Variants in ALS2 observed in about 807,000 individuals in gnomAD.
ALS2 encodes alsin.
ALS2 carries 117 observed loss-of-function variants against 203.4 expected under a neutral mutation model. That is an observed-to-expected ratio of 0.58 (90% CI 0.50 to 0.67). The LOEUF (loss-of-function observed/expected upper bound fraction) is 0.67. ALS2 is among the 30% of genes least tolerant of loss of function. The probability of loss-of-function intolerance (pLI) is 0.00; values close to 1 mark genes in which losing one functional copy is unlikely to be tolerated. For missense variants in ALS2, 1,715 were observed against 1,989.4 expected (o/e 0.86, Z 2.62); for synonymous variants, 718 against 725.9 (o/e 0.99, Z 0.17).
At chr2:201,760,012 A>C in intron 4 of ALS2, 1 of 983,078 alleles carries the variant, frequency 1.0e-6, no homozygotes, top group Non-Finnish European at 1.2e-6. Context: ...CTTCAAAATG[A>C]AAATAGTTTT....
chr2:201,745,288 T>A (rs1026727506), intron 9 of ALS2, among the ~76,000 whole-genome samples: 1 of 152,148 alleles, frequency 6.6e-6, no homozygotes, highest in African/African-American at 2.4e-5. Flanking sequence ...CCTCAAGTGA[T>A]CCTCCAGTCT....
At chr2:201,776,852 TAAA>T (rs1694682217) in intron 1 of ALS2, among the ~76,000 whole-genome samples, 1 of 152,166 alleles carries the variant, frequency 6.6e-6, no homozygotes, top group Non-Finnish European at 1.5e-5. Context: ...TTATTAGAAA[TAAA>T]AATATTGTTT....
At position 201,704,548 on chromosome 2, in the gene ALS2, T is replaced by C; in HGVS notation, c.4744A>G (p.Ile1582Val). The stretch of plus-strand genomic sequence containing the variant: ...AGTGACGCCAGGACACTCTGAGAGA[T>C]CTCCTCAAAAGTCTGCTGGATGACC... ...LKVIQQTFEE[I>V]SQSVLASLHE... Residue 1582 changes from isoleucine to valine, a missense_variant, in exon 32 of 34, where the codon ATC becomes GTC. By Grantham distance (29) the Ile-to-Val change is conservative. This residue lies in a region of ALS2 where 1,227 missense variants were observed against 1,413.5 expected (regional missense o/e 0.87). Transcript: ENST00000264276. 1 of 1,614,068 alleles carries C rather than the reference T, an allele frequency of 6.2e-7. No individual in the cohort carries two copies. The highest frequency in any genetic ancestry group is 8.5e-7 in the Non-Finnish European group (1 of 1,179,992).
chr2:201,718,558 G>A (rs1161389903), intron 23 of ALS2, among the ~76,000 whole-genome samples: 1 of 152,062 alleles, frequency 6.6e-6, no homozygotes, highest in Non-Finnish European at 1.5e-5. Flanking sequence ...ACCACGCCCA[G>A]CCCTCAATTT....
intron 21 of ALS2, 93 bp downstream of exon 21, chr2:201,724,201 AT>A: frequency 7.4e-7 from 1 of 1,358,652 alleles, no homozygotes; most frequent in Middle Eastern, 1.8e-4. Flanking sequence ...ACTAATCTCC[AT>A]GAAAAAGACA....
chr2:201,764,897 G>C (rs1685776055), intron 3 of ALS2, among the ~76,000 whole-genome samples: 1 of 152,080 alleles, frequency 6.6e-6, no homozygotes, highest in African/African-American at 2.4e-5. Context: ...GCTTAAACAT[G>C]AATAACGATA....
intron 27 of ALS2, among the ~76,000 whole-genome samples, chr2:201,708,774 C>T: frequency 6.6e-6 from 1 of 152,118 alleles, no homozygotes; most frequent in East Asian, 1.9e-4. Flanking sequence ...TTTATTTTCT[C>T]TTATTTTTAC....
chr2:201,716,178 C>T (rs1208572161), intron 24 of ALS2, among the ~76,000 whole-genome samples: 2 of 151,932 alleles, frequency 1.3e-5, no homozygotes, highest in African/African-American at 4.8e-5. Flanking sequence ...GAGGCCAAGG[C>T]AGGTGGAACA....
intron 1 of ALS2, among the ~76,000 whole-genome samples, chr2:201,778,034 A>G (rs1336749469): frequency 6.6e-6 from 1 of 152,068 alleles, no homozygotes; most frequent in African/African-American, 2.4e-5. Flanking sequence ...TGCTTAGCCA[A>G]TTGCCCCAAG....
At chr2:201,741,059 C>G (rs1692238025) in intron 11 of ALS2, 1 of 154,082 alleles carries the variant, frequency 6.5e-6, no homozygotes, top group South Asian at 2.0e-4. Context: ...ATTAAAATAA[C>G]ACTTAAATTA....
At chr2:201,745,219 T>C (rs1273767603) in intron 9 of ALS2, among the ~76,000 whole-genome samples, 4 of 152,222 alleles carry the variant, frequency 2.6e-5, no homozygotes, top group Admixed American at 2.6e-4. Context: ...ATCTTTAAAT[T>C]TGTTTTGTTT....
chr2:201,705,105 G>A (rs1318992587), intron 31 of ALS2, 34 bp downstream of exon 31: 1 of 1,598,338 alleles, frequency 6.3e-7, no homozygotes, highest in Admixed American at 1.7e-5. Context: ...GCACTACTTT[G>A]ATTTGTATGG....
In ALS2 at chr2:201,761,258, CTTT is replaced by C. The variant is rs755861249; in HGVS notation, c.733_735del (p.Lys245del). On this transcript the variant is annotated inframe_deletion, in exon 4 of 34. Transcript: ENST00000264276. ...CTGTCTGATATAATCACATGGTCTT[CTTT>C]GTCAGTCATAGTAATCAAGAGCTGG... 2.5e-6 allele frequency: 4 copies of C among 1,614,056 alleles called. No homozygotes were observed. In the African/African-American group the frequency reaches 5.3e-5, roughly 22 times the overall value.
chr2:201,758,759 CATGTGT>C (rs1488517642), intron 4 of ALS2, among the ~76,000 whole-genome samples: 7 of 132,076 alleles, frequency 5.3e-5, no homozygotes, highest in African/African-American at 1.9e-4. Flanking sequence ...TGTGTGTGCG[CATGTGT>C]GTGTGTGTGT....
In ALS2 at chr2:201,704,216, A is replaced by T. The variant is rs1490563277; in HGVS notation, c.4841T>A (p.Ile1614Asn). 1.9e-6 allele frequency: 3 copies of T among 1,613,250 alleles called. No individual in the cohort carries two copies. In the African/African-American group the frequency reaches 4.0e-5, roughly 22 times the overall value. ...GTGTACCTCAGAGCCTAAATTCCTA[A>T]TCCTGCCCCAGAGAGAAAAAGATGC... ...VFLYVVLRAR[I>N]RNLGSEVHLI... Residue 1614 changes from isoleucine to asparagine, a missense_variant and splice_region_variant, in exon 33 of 34, where the codon ATT (isoleucine) becomes AAT (asparagine). Physicochemically the swap from Ile to Asn is moderately radical, Grantham distance 149. Transcript: ENST00000264276.
rs1041296534 is a variant in ALS2 at position 201,706,821 on chromosome 2, T to C, written c.4580+25A>G. 1.9e-6 allele frequency: 3 copies of C among 1,613,548 alleles called. No homozygotes were observed. In the South Asian group the frequency reaches 3.3e-5, roughly 18 times the overall value. On this transcript the variant is annotated intron_variant, in intron 29 of 33. Transcript: ENST00000264276. The stretch of plus-strand genomic sequence containing the variant: ...TGCATTTTAAATTAAAACCATTTGG[T>C]TGCGCTTGTAACTACTACACTTACC...
chr2:201,724,555 A>T (rs1305748331), intron 20 of ALS2, 96 bp from the exon 21 acceptor site: 15 of 1,192,396 alleles, frequency 1.3e-5, no homozygotes, highest in Non-Finnish European at 1.9e-5. Flanking sequence ...ACTCAGTCTC[A>T]CTGGTAGCTA....
Position 201,728,615 on chromosome 2 carries a change from C to T in ALS2, c.2738G>A (p.Arg913Gln), listed in dbSNP as rs766674274. The T allele has an allele frequency of 3.7e-6, 6 of 1,613,960 alleles. No individual in the cohort carries two copies. The highest frequency in any genetic ancestry group is 5.1e-6 in the Non-Finnish European group (6 of 1,179,966). Residue 913 changes from arginine to glutamine, a missense_variant, in exon 15 of 34, where the codon CGA (arginine) becomes CAA (glutamine). Arg to Gln is a conservative substitution (Grantham distance 43). Coordinates refer to ENST00000264276, the MANE Select transcript of ALS2 (RefSeq NM_020919.4). ...TCGGTTACTACTCTCACACAGCAGT[C>T]GACGCTCTGGCTTCCTCAAGGAATC... ...MTDSLRKPER[R>Q]LLCESSNRAL... is the part of the protein sequence containing the mutation.
intron 13 of ALS2, among the ~76,000 whole-genome samples, chr2:201,732,327 G>T (rs1235427857): frequency 1.5e-4 from 23 of 150,464 alleles, no homozygotes; most frequent in Non-Finnish European, 2.9e-5. Context: ...GCCAAGGCAG[G>T]CCAATCACTT....
Sources: allele counts gnomAD v4.1 joint callset (sites outside exome capture counted in the v4.1 genomes callset), GRCh38; gene constraint gnomAD v4.1.1; regional missense constraint gnomAD v4.1.1; transcripts MANE v1.5; gene names NCBI Gene and HGNC (gene_info 2026-07-23, HGNC 2026-07-21).